The following PACRG variants were observed in gnomAD, a reference collection of about 807,000 sequenced individuals.
PACRG encodes parkin coregulated.
A neutral mutation model predicts 29.7 loss-of-function variants in PACRG; 29 were observed. The observed-to-expected ratio is 0.98, with a 90% confidence interval of 0.73 to 1.33. PACRG has a LOEUF of 1.33. PACRG is among the 40% of genes most tolerant of loss of function. PACRG has a pLI of 0.00. For missense variants in PACRG, 279 were observed against 316.2 expected, an observed-to-expected ratio of 0.88 and a Z score of 0.89; for synonymous variants, 116 against 118.7, an observed-to-expected ratio of 0.98 and a Z score of 0.15.
At chr6:163,073,297 C>T (rs1228179523) in intron 3 of PACRG, among the ~76,000 whole-genome samples, 1 of 152,078 alleles carries the variant, frequency 6.6e-6, no homozygotes, top group Non-Finnish European at 1.5e-5. Context: ...CTACAGTGAA[C>T]TCATTTTTGA....
chr6:162,919,550 A>G (rs1479701325), intron 2 of PACRG, among the ~76,000 whole-genome samples: 2 of 152,204 alleles, frequency 1.3e-5, no homozygotes, highest in African/African-American at 4.8e-5. Flanking sequence ...TATTAGAGGC[A>G]AGTAGCAACC....
intron 1 of PACRG, among the ~76,000 whole-genome samples, chr6:162,752,598 A>G (rs937160192): frequency 6.6e-6 from 1 of 152,318 alleles, no homozygotes; most frequent in Admixed American, 6.5e-5. Context: ...AAAGGCATCA[A>G]CCTGCTGAAA....
intron 1 of PACRG, among the ~76,000 whole-genome samples, chr6:162,732,492 A>G (rs1178434843): frequency 2.6e-5 from 4 of 152,222 alleles, no homozygotes; most frequent in Non-Finnish European, 4.4e-5. Context: ...TGTCCGGCTC[A>G]AACTCACAAT....
At chr6:162,947,614 A>ATATATATATGAT (rs1799290484) in intron 2 of PACRG, among the ~76,000 whole-genome samples, 2 of 15,054 alleles carry the variant, frequency 1.3e-4, no homozygotes, top group Non-Finnish European at 2.7e-4. Context: ...ATATAATCAT[A>ATATATATATGAT]TATATATATA....
chr6:163,101,712 C>T (rs720080), intron 4 of PACRG, among the ~76,000 whole-genome samples: 7,947 of 152,170 alleles, frequency 0.052, 673 homozygotes, highest in African/African-American at 0.17. Context: ...CACCTTTCTT[C>T]GTGTACCTGC....
intron 1 of PACRG, among the ~76,000 whole-genome samples, chr6:162,763,150 T>C (rs988159326): frequency 1.3e-5 from 2 of 152,204 alleles, no homozygotes; most frequent in African/African-American, 4.8e-5. Context: ...TTAATAAAAA[T>C]ACATGTGACA....
chr6:162,745,599 A>G (rs971600508), intron 1 of PACRG, among the ~76,000 whole-genome samples: 2 of 152,230 alleles, frequency 1.3e-5, no homozygotes, highest in Admixed American at 1.3e-4. Context: ...AGTTGTGAGG[A>G]CACATACTTG....
chr6:162,918,942 A>G (rs1211448128), intron 2 of PACRG, among the ~76,000 whole-genome samples: 1 of 152,108 alleles, frequency 6.6e-6, no homozygotes, highest in African/African-American at 2.4e-5. Context: ...AAAATATTGT[A>G]GTGATTGGGG....
rs372452544 is a variant in PACRG, at chr6:163,266,278, T to G, written c.614-48549T>G. Among the ~76,000 whole-genome samples, 32 of 152,328 alleles carry G rather than the reference T, an allele frequency of 2.1e-4. 1 individual carries two copies. In the East Asian group the frequency reaches 3.5e-3, roughly 17 times the overall value. On this transcript the variant is annotated intron_variant, in intron 4 of 4. Coordinates refer to ENST00000366888, the MANE Select transcript of PACRG (RefSeq NM_001080379.2). The stretch of plus-strand genomic sequence containing the variant: ...GAAACCGGATTTGGATTTTAAAGAC[T>G]ATAGGTAAGTAATACCGGTAAATAG...
intron 2 of PACRG, among the ~76,000 whole-genome samples, chr6:162,835,071 T>A (rs1021020481): frequency 9.2e-5 from 14 of 152,094 alleles, no homozygotes; most frequent in African/African-American, 3.1e-4. Flanking sequence ...GTTACTCTTT[T>A]TCATTTTCCC....
At chr6:162,768,471 T>G (rs2128299333) in intron 1 of PACRG, among the ~76,000 whole-genome samples, 1 of 152,272 alleles carries the variant, frequency 6.6e-6, no homozygotes, top group African/African-American at 2.4e-5. Flanking sequence ...GAAACATTAT[T>G]TATTGCATTT....
intron 2 of PACRG, among the ~76,000 whole-genome samples, chr6:162,886,391 C>T (rs572947096): frequency 6.6e-6 from 1 of 152,294 alleles, no homozygotes; most frequent in Non-Finnish European, 1.5e-5. Flanking sequence ...TCATTTATTC[C>T]GGGTTTTTCC....
intron 4 of PACRG, among the ~76,000 whole-genome samples, chr6:163,223,368 T>A (rs926066914): frequency 1.3e-5 from 2 of 151,952 alleles, no homozygotes; most frequent in Non-Finnish European, 2.9e-5. Flanking sequence ...CACTCCAGCC[T>A]GGGCAAAAAG....
intron 2 of PACRG, among the ~76,000 whole-genome samples, chr6:162,952,942 C>T (rs1298477388): frequency 1.3e-5 from 2 of 152,048 alleles, no homozygotes; most frequent in Non-Finnish European, 2.9e-5. Flanking sequence ...AATAATTTGT[C>T]TCTAGCAGTG....
intron 4 of PACRG, among the ~76,000 whole-genome samples, chr6:163,150,420 T>TTCC (rs1778033386): frequency 1.3e-5 from 2 of 152,272 alleles, no homozygotes; most frequent in Admixed American, 6.5e-5. Flanking sequence ...GGACCTTACC[T>TTCC]TCCTGCTCCC....
intron 2 of PACRG, among the ~76,000 whole-genome samples, chr6:162,819,347 A>G (rs1444907534): frequency 6.6e-6 from 1 of 152,212 alleles, no homozygotes; most frequent in East Asian, 1.9e-4. Flanking sequence ...TTTTGTATTA[A>G]AAAATGACTT....
intron 4 of PACRG, among the ~76,000 whole-genome samples, chr6:163,289,660 A>G (rs1257371727): frequency 6.6e-6 from 1 of 151,972 alleles, no homozygotes; most frequent in African/African-American, 2.4e-5. Flanking sequence ...CGTGTGGCGC[A>G]TGTTGTCCTC....
intron 2 of PACRG, among the ~76,000 whole-genome samples, chr6:162,857,828 T>A (rs1791533019): frequency 6.6e-6 from 1 of 152,140 alleles, no homozygotes. Flanking sequence ...TAAAATATGT[T>A]CTCGTTGCCC....
chr6:162,920,162 GCAA>G (rs1796969586), intron 2 of PACRG, among the ~76,000 whole-genome samples: 1 of 151,136 alleles, frequency 6.6e-6, no homozygotes, highest in African/African-American at 2.5e-5. Flanking sequence ...AAGGGAAAAA[GCAA>G]CAAAGGAGGA....
Sources: allele counts gnomAD v4.1 joint callset (sites outside exome capture counted in the v4.1 genomes callset), GRCh38; gene constraint gnomAD v4.1.1; transcripts MANE v1.5; gene names NCBI Gene and HGNC (gene_info 2026-07-23, HGNC 2026-07-21).